Variants in XRN1 observed in about 807,000 individuals in gnomAD.
The protein encoded by XRN1 is 5'-3' exoribonuclease 1, also known as strand-exchange protein 1 homolog.
Under a neutral mutation model 222.3 loss-of-function variants are expected in XRN1, and 67 were observed. The ratio of observed to expected loss-of-function variants is 0.30; its 90% CI spans 0.25 to 0.37. XRN1 has a LOEUF of 0.37. XRN1 is among the 10% of genes least tolerant of loss of function. The probability of loss-of-function intolerance (pLI) is 1.00; values close to 1 mark genes in which losing one functional copy is unlikely to be tolerated. For missense variants in XRN1, 1,707 were observed against 2,000.2 expected (o/e 0.85, Z 2.80); for synonymous variants, 643 against 652.4 (o/e 0.99, Z 0.22).
intron 32 of XRN1, among the ~76,000 whole-genome samples, chr3:142,349,365 G>A (rs1445517998): frequency 6.6e-6 from 1 of 152,094 alleles, no homozygotes; most frequent in Non-Finnish European, 1.5e-5. Flanking sequence ...TGACTCTAAG[G>A]AGAAGAATTA....
intron 16 of XRN1, 38 bp downstream of exon 16, chr3:142,404,869 C>T (rs557489773): frequency 1.2e-5 from 19 of 1,606,082 alleles, no homozygotes; most frequent in Admixed American, 6.7e-5. Context: ...GTGTTAGGAG[C>T]GCTCTTTTGT....
chr3:142,428,263 G>A (rs2069349452), intron 2 of XRN1, among the ~76,000 whole-genome samples: 1 of 151,812 alleles, frequency 6.6e-6, no homozygotes, highest in South Asian at 2.1e-4. Flanking sequence ...GGGTGTGGTG[G>A]TGCGGCCTGT....
chr3:142,432,574 A>T, intron 2 of XRN1, 87 bp downstream of exon 2: 2 of 1,218,896 alleles, frequency 1.6e-6, no homozygotes, highest in South Asian at 3.3e-5. Flanking sequence ...AAACATGAAC[A>T]GAAGATTGTG....
intron 37 of XRN1, among the ~76,000 whole-genome samples, chr3:142,325,138 A>G (rs2065481314): frequency 6.6e-6 from 1 of 152,148 alleles, no homozygotes; most frequent in South Asian, 2.1e-4. Context: ...AGCAATTTCC[A>G]TGCTGTATGT....
intron 37 of XRN1, among the ~76,000 whole-genome samples, 166 bp downstream of exon 37, chr3:142,329,268 G>A (rs2065622731): frequency 6.6e-6 from 1 of 152,032 alleles, no homozygotes; most frequent in South Asian, 2.1e-4. Context: ...TTAGGGCTTT[G>A]GTTATGTATA....
At position 142,397,454 on chromosome 3, in the gene XRN1, G is replaced by A; in HGVS notation, c.2214C>T (p.Tyr738=). Residue 738 remains tyrosine, a synonymous_variant, in exon 20 of 41, where the codon TAC becomes TAT. Transcript: ENST00000392981. ...TCTGTGTTCCTGGAGGTTCTTCCAAGTAAAACCTTAAGAGTTAAAATAAAA... is the reference window on the plus strand; with the variant it reads ...TCTGTGTTCCTGGAGGTTCTTCCAAATAAAACCTTAAGAGTTAAAATAAAA... ...VAVSDGETKF[Y]LEEPPGTQKL... 6.3e-7 allele frequency: 1 copy of A among 1,599,004 alleles called. No homozygotes were observed. The highest frequency in any genetic ancestry group is 1.3e-5 in the African/African-American group (1 of 74,472).
At chr3:142,414,360 T>TTTC in intron 13 of XRN1, 69 bp from the exon 14 acceptor site, 1 of 1,165,148 alleles carries the variant, frequency 8.6e-7, no homozygotes. Flanking sequence ...AACATATACT[T>TTTC]TTCCCCATAT....
chr3:142,440,009 G>A (rs2070128658), intron 1 of XRN1, among the ~76,000 whole-genome samples: 1 of 152,072 alleles, frequency 6.6e-6, no homozygotes, highest in African/African-American at 2.4e-5. Context: ...AGGAGACGAA[G>A]GTCCTGCTGA....
chr3:142,368,108 G>C (rs1243823784), intron 27 of XRN1, among the ~76,000 whole-genome samples: 1 of 150,226 alleles, frequency 6.7e-6, no homozygotes, highest in African/African-American at 2.4e-5. Flanking sequence ...ATATAAATAT[G>C]TATTTATATA....
rs776425998 is a variant in XRN1, at chr3:142,312,742, C to T, written c.4638G>A (p.Ser1546=). The part of the protein sequence containing the change: ...FPPPTANIMP[S]SSHLFGSMPW... The stretch of plus-strand genomic sequence containing the variant: ...GCATTGAGCCAAAGAGATGAGACGA[C>T]GAAGGCATTATATTAGCTGTTAAAA... The change falls in exon 40 of 41, where the codon TCG becomes TCA. Residue 1546 remains serine (S), a synonymous_variant. Transcript: ENST00000392981. 1.4e-5 allele frequency: 22 copies of T among 1,610,964 alleles called. No individual in the cohort carries two copies. The highest frequency in any genetic ancestry group is 1.7e-4 in the Middle Eastern group (1 of 6,056).
intron 40 of XRN1, 30 bp from the exon 41 acceptor site, chr3:142,311,843 T>A (rs1449576641): frequency 2.0e-6 from 3 of 1,528,970 alleles, no homozygotes; most frequent in South Asian, 1.3e-5. Flanking sequence ...CACTAATTAA[T>A]AATGTAGGCA....
chr3:142,399,155 C>T (rs956023488), intron 19 of XRN1, among the ~76,000 whole-genome samples: 1 of 151,108 alleles, frequency 6.6e-6, no homozygotes, highest in Non-Finnish European at 1.5e-5. Flanking sequence ...ATATAAAAAT[C>T]CCTCCAAGAT....
Position 142,375,810 on chromosome 3 carries a change from T to A in XRN1, c.2966A>T (p.Glu989Val). Residue 989 changes from glutamate to valine, a missense_variant, in exon 25 of 41, where the codon GAG (glutamate) becomes GTG (valine). Glu to Val is a moderately radical substitution (Grantham distance 121). This residue lies in a region of XRN1 where 1,234 missense variants were observed against 1,518.2 expected (regional missense o/e 0.81). Coordinates refer to ENST00000392981, the MANE Select transcript of XRN1 (RefSeq NM_001282857.2). ...ATTATGTACTTACCTCTCTAAGTAC[T>A]CTGCCAGAAGTTGTTCTGCTGCAGA... is the stretch of plus-strand genomic sequence containing the variant. Reference protein sequence around the residue: ...YSSAAEQLLAEYLERAPELFS... With the variant: ...YSSAAEQLLAVYLERAPELFS... The A allele has an allele frequency of 1.2e-6, 2 of 1,613,566 alleles. No individual in the cohort carries two copies. Among genetic ancestry groups the A allele is most frequent in the Non-Finnish European group, 1.7e-6 (2 of 1,179,742 alleles).
At chr3:142,430,686 T>C (rs1465841209) in intron 2 of XRN1, among the ~76,000 whole-genome samples, 2 of 152,200 alleles carry the variant, frequency 1.3e-5, no homozygotes, top group Non-Finnish European at 2.9e-5. Context: ...AGATGGTCTT[T>C]CCACTCCTTT....
chr3:142,307,444 A>G lies in XRN1; in HGVS notation c.*4067T>C, dbSNP rs1427474197. The stretch of plus-strand genomic sequence containing the variant: ...TTGGAAACCATAGTCTCCTTCACAA[A>G]TTGCACTTGAGATGGCTGAATGCAT... On this transcript the variant is annotated 3_prime_UTR_variant, in exon 41 of 41. Coordinates refer to ENST00000392981, the MANE Select transcript of XRN1 (RefSeq NM_001282857.2). The G allele has an allele frequency of 6.6e-6, 1 of 152,180 alleles. No individual in the cohort carries two copies. Among genetic ancestry groups the G allele is most frequent in the Non-Finnish European group, 1.5e-5 (1 of 68,026 alleles). The allele number at this position is 152,180 out of a possible 1,614,324, so 9.4% of individuals were successfully genotyped here.
Position 142,332,903 on chromosome 3 carries a change from A to C in XRN1, c.4062+64T>G, listed in dbSNP as rs1050618501. ...GGAAGTGTTTGAACACTTGCATGGG[A>C]TATGTCTGCATGGTCAACAGTCGAG... On this transcript the variant is annotated intron_variant, in intron 35 of 40. Transcript: ENST00000392981. 7.6e-6 allele frequency: 12 copies of C among 1,586,086 alleles called. No individual in the cohort carries two copies. The African/African-American group carries it at 1.6e-4, about 21-fold the overall frequency.
intron 33 of XRN1, among the ~76,000 whole-genome samples, chr3:142,337,954 G>GA (rs1035141431): frequency 2.0e-5 from 3 of 152,118 alleles, no homozygotes; most frequent in African/African-American, 4.8e-5. Context: ...GTTTATTCAA[G>GA]AAAAAAGACA....
intron 15 of XRN1, among the ~76,000 whole-genome samples, chr3:142,405,597 G>A (rs1457919321): frequency 1.3e-5 from 2 of 152,110 alleles, no homozygotes; most frequent in African/African-American, 4.8e-5. Context: ...CCAGGGACTT[G>A]TCTTACCAGA....
intron 33 of XRN1, among the ~76,000 whole-genome samples, chr3:142,338,315 GC>G (rs2065901400): frequency 6.6e-6 from 1 of 152,126 alleles, no homozygotes; most frequent in African/African-American, 2.4e-5. Context: ...CCCATTTCAG[GC>G]CTTAGCACTC....
Sources: allele counts gnomAD v4.1 joint callset (sites outside exome capture counted in the v4.1 genomes callset), GRCh38; gene constraint gnomAD v4.1.1; regional missense constraint gnomAD v4.1.1; transcripts MANE v1.5; gene names NCBI Gene and HGNC (gene_info 2026-07-23, HGNC 2026-07-21).